The following GABRA6 variants were observed in gnomAD, a reference collection of about 807,000 sequenced individuals.
GABRA6 encodes the protein gamma-aminobutyric acid type A receptor subunit alpha6.
GABRA6 carries 45 observed loss-of-function variants against 47.3 expected under a neutral mutation model. The ratio of observed to expected loss-of-function variants is 0.95; its 90% CI spans 0.75 to 1.22. The LOEUF (loss-of-function observed/expected upper bound fraction) is 1.22. GABRA6 is among the 50% of genes most tolerant of loss of function. The pLI is 0.00. For synonymous variants in GABRA6, 219 were observed against 194.7 expected (o/e 1.12, Z -1.04); for missense variants, 583 against 549.3 (o/e 1.06, Z -0.61).
chr5:161,689,730 T>G lies in GABRA6; in HGVS notation c.624T>G (p.Tyr208Ter). 3 of 1,613,310 alleles carry G rather than the reference T, an allele frequency of 1.9e-6. No homozygotes were observed. The highest frequency in any genetic ancestry group is 2.5e-6 in the Non-Finnish European group (3 of 1,179,298). ...AAGAATCTTCAAGCCTTCTCCAGTA[T>G]GATCTGATTGGACAAACAGTATCTA... ...VPEESSSLLQ[Y>*]DLIGQTVSSE... Residue 208 changes from tyrosine (Y) to a stop codon, truncating the protein, a stop_gained, in exon 6 of 9, where the codon TAT becomes TAG. Coordinates refer to ENST00000274545, the MANE Select transcript of GABRA6 (RefSeq NM_000811.3). LOFTEE classifies it high-confidence loss of function.
intron 6 of GABRA6, 173 bp downstream of exon 6, chr5:161,689,952 T>C (rs991245182): frequency 1.4e-6 from 1 of 709,778 alleles, no homozygotes; most frequent in Non-Finnish European, 2.3e-6. Flanking sequence ...ATATAAAGAT[T>C]TGTGTAATCT....
chr5:161,687,255 T>C, intron 3 of GABRA6: 1 of 504,836 alleles, frequency 2.0e-6, no homozygotes, highest in Non-Finnish European at 3.6e-6. Flanking sequence ...TGCTATGCAC[T>C]AATTCTTCCC....
At chr5:161,700,405 G>A (rs1407680377) in intron 8 of GABRA6, among the ~76,000 whole-genome samples, 1 of 152,186 alleles carries the variant, frequency 6.6e-6, no homozygotes, top group African/African-American at 2.4e-5. Flanking sequence ...CCACAAGGAG[G>A]GTGTTTGTTA....
Position 161,701,944 on chromosome 5 carries a change from T to A in GABRA6, c.*171T>A. On this transcript the variant is annotated 3_prime_UTR_variant, in exon 9 of 9. Transcript: ENST00000274545. ...GTGGGCAAAAAAGCAATAATCCTAC[T>A]CCTCAAAATAGAAAGTTGAAGATTG... 1 of 665,638 alleles carries A rather than the reference T, an allele frequency of 1.5e-6. No individual in the cohort carries two copies. Among genetic ancestry groups the A allele is most frequent in the Non-Finnish European group, 2.5e-6 (1 of 393,562 alleles). The allele number at this position is 665,638 out of a possible 1,614,324, so 41.2% of individuals were successfully genotyped here.
At chr5:161,697,691 T>C (rs991787006) in intron 8 of GABRA6, among the ~76,000 whole-genome samples, 1 of 152,148 alleles carries the variant, frequency 6.6e-6, no homozygotes, top group African/African-American at 2.4e-5. Context: ...TGGTCCTCCA[T>C]AACAAAGAGT....
intron 3 of GABRA6, among the ~76,000 whole-genome samples, 192 bp from the exon 4 acceptor site, chr5:161,688,757 C>A (rs190491337): frequency 4.6e-5 from 7 of 152,196 alleles, no homozygotes; most frequent in Admixed American, 3.3e-4. Context: ...ACAGCACTAT[C>A]TTTTATAACA....
chr5:161,695,482 A>C (rs759532666), intron 8 of GABRA6, among the ~76,000 whole-genome samples: 3 of 151,992 alleles, frequency 2.0e-5, no homozygotes, highest in Non-Finnish European at 4.4e-5. Flanking sequence ...TTATATCTTC[A>C]TGAGTTTCAG....
chr5:161,696,965 C>A (rs903061376), intron 8 of GABRA6, among the ~76,000 whole-genome samples: 2 of 152,166 alleles, frequency 1.3e-5, no homozygotes, highest in African/African-American at 4.8e-5. Flanking sequence ...TGATAGGTTA[C>A]CTCTCAGACC....
chr5:161,701,310 A>G (rs1754976342), intron 8 of GABRA6, among the ~76,000 whole-genome samples, 188 bp from the exon 9 acceptor site: 1 of 152,212 alleles, frequency 6.6e-6, no homozygotes, highest in Admixed American at 6.5e-5. Context: ...AAATTATTTT[A>G]CAATGTATTT....
chr5:161,698,648 C>T (rs151130234), intron 8 of GABRA6, among the ~76,000 whole-genome samples: 3 of 151,760 alleles, frequency 2.0e-5, no homozygotes, highest in Admixed American at 1.3e-4. Flanking sequence ...TAATATTTGT[C>T]CCTACCTTCA....
At chr5:161,698,639 A>G (rs1754923508) in intron 8 of GABRA6, among the ~76,000 whole-genome samples, 1 of 152,068 alleles carries the variant, frequency 6.6e-6, no homozygotes, top group African/African-American at 2.4e-5. Flanking sequence ...CTTGTTAAGT[A>G]ATATTTGTCC....
intron 8 of GABRA6, among the ~76,000 whole-genome samples, chr5:161,698,642 A>G (rs947773557): frequency 6.6e-6 from 1 of 152,052 alleles, no homozygotes; most frequent in African/African-American, 2.4e-5. Flanking sequence ...GTTAAGTAAT[A>G]TTTGTCCCTA....
chr5:161,690,140 A>G, intron 6 of GABRA6, 61 bp from the exon 7 acceptor site: 1 of 1,468,806 alleles, frequency 6.8e-7, no homozygotes. Flanking sequence ...ATTTATATTC[A>G]ACTGCATTCT....
chr5:161,686,082 T>C (rs1754685947), intron 1 of GABRA6, 55 bp downstream of exon 1: 1 of 1,537,200 alleles, frequency 6.5e-7, no homozygotes, highest in Non-Finnish European at 9.0e-7. Flanking sequence ...AAAGGAAAAG[T>C]ATACATCCAT....
chr5:161,688,956 C>T lies in GABRA6; in HGVS notation c.233C>T (p.Thr78Met), dbSNP rs749910403. 10 of 1,612,590 alleles carry T rather than the reference C, an allele frequency of 6.2e-6. No individual in the cohort carries two copies. The Admixed American group carries it at 8.3e-5, about 13-fold the overall frequency. Residue 78 changes from threonine (T) to methionine (M), a missense_variant, in exon 4 of 9, where the codon ACG becomes ATG. Coordinates refer to ENST00000274545, the MANE Select transcript of GABRA6 (RefSeq NM_000811.3). ...GPVSDVEMEYTMDVFFRQTWT... is the reference protein window; with the variant it reads ...GPVSDVEMEYMMDVFFRQTWT... ...TATTTTATTTTCTCTTAGGAGTATACGATGGATGTTTTTTTCCGCCAGACC... is the reference window on the plus strand; with the variant it reads ...TATTTTATTTTCTCTTAGGAGTATATGATGGATGTTTTTTTCCGCCAGACC...
Position 161,689,011 on chromosome 5 carries a change from G to C in GABRA6, c.288G>C (p.Gly96=). The C allele has an allele frequency of 6.2e-7, 1 of 1,613,958 alleles. No homozygotes were observed. Among genetic ancestry groups the C allele is most frequent in the Non-Finnish European group, 8.5e-7 (1 of 1,179,926 alleles). ...TWTDERLKFG[G]PTEILSLNNL... is the part of the protein sequence containing the mutation. Reference sequence around the variant, plus strand: ...CTGATGAGAGGTTGAAGTTTGGGGGGCCAACTGAGATTCTGAGTCTGAATA... The same window carrying C: ...CTGATGAGAGGTTGAAGTTTGGGGGCCCAACTGAGATTCTGAGTCTGAATA... The change falls in exon 4 of 9, where the codon GGG becomes GGC. Residue 96 remains glycine (G), a synonymous_variant. Transcript: ENST00000274545.
chr5:161,686,047 CTG>C lies in GABRA6; in HGVS notation c.38+21_38+22del. 1 of 1,611,760 alleles carries C rather than the reference CTG, an allele frequency of 6.2e-7. No homozygotes were observed. Among genetic ancestry groups the C allele is most frequent in the Non-Finnish European group, 8.5e-7 (1 of 1,177,896 alleles). ...TCTGTGGTGAGTAAGATCCTTTTTC[CTG>C]ATTTTTCTTTTTATCTCAGAGGAAA... is the stretch of plus-strand genomic sequence containing the variant. On this transcript the variant is annotated intron_variant, in intron 1 of 8. Coordinates refer to ENST00000274545, the MANE Select transcript of GABRA6 (RefSeq NM_000811.3).
At chr5:161,699,057 T>TA (rs901225126) in intron 8 of GABRA6, among the ~76,000 whole-genome samples, 1 of 152,136 alleles carries the variant, frequency 6.6e-6, no homozygotes, top group Non-Finnish European at 1.5e-5. Flanking sequence ...ACCACATCTC[T>TA]AAAAAACGGG....
rs112180971 is a variant in GABRA6, at chr5:161,701,970, C to T, written c.*197C>T. ...CCTCAAAATAGAAAGTTGAAGATTGCTGAAAAATATGACTTTTCTGTATGT... is the reference window on the plus strand; with the variant it reads ...CCTCAAAATAGAAAGTTGAAGATTGTTGAAAAATATGACTTTTCTGTATGT... On this transcript the variant is annotated 3_prime_UTR_variant, in exon 9 of 9. Transcript: ENST00000274545. The T allele has an allele frequency of 1.3e-5, 8 of 603,734 alleles. No homozygotes were observed. The East Asian group carries it at 2.0e-4, about 15-fold the overall frequency. 37.4% of individuals were successfully genotyped at this position (603,734 alleles called of 1,614,324 possible). A position where few individuals can be genotyped will look rare whatever the true frequency, so the allele number is the denominator to read the frequency against.
Sources: allele counts gnomAD v4.1 joint callset (sites outside exome capture counted in the v4.1 genomes callset), GRCh38; gene constraint gnomAD v4.1.1; transcripts MANE v1.5; gene names NCBI Gene and HGNC (gene_info 2026-07-23, HGNC 2026-07-21).